Variants in CADM2 observed in about 807,000 individuals in gnomAD.
CADM2 encodes the protein immunoglobulin superfamily member 4D.
CADM2 carries 12 observed loss-of-function variants against 49.8 expected under a neutral mutation model. That is an observed-to-expected ratio of 0.24 (90% confidence interval 0.15 to 0.39). CADM2 has a LOEUF of 0.39. Among genes scored for constraint, CADM2 ranks in the 10% least tolerant of loss-of-function variants. The pLI, the probability that CADM2 is intolerant of heterozygous loss-of-function variation, is 1.00. For missense variants in CADM2, 378 were observed against 492.3 expected, an observed-to-expected ratio of 0.77 and a Z score of 2.20; for synonymous variants, 214 against 175.4, an observed-to-expected ratio of 1.22 and a Z score of -1.74.
chr3:85,336,615 A>C (rs1188554877), intron 1 of CADM2, among the ~76,000 whole-genome samples: 1 of 151,086 alleles, frequency 6.6e-6, no homozygotes, highest in African/African-American at 2.4e-5. Flanking sequence ...AGTCAACTAG[A>C]AATTGTTATA....
At chr3:85,696,537 G>T (rs1474395262) in intron 1 of CADM2, among the ~76,000 whole-genome samples, 1 of 151,804 alleles carries the variant, frequency 6.6e-6, no homozygotes, top group Non-Finnish European at 1.5e-5. Context: ...CTTTTCCCCG[G>T]TGTATGTTTT....
In CADM2 at chr3:85,750,758, A is replaced by AT. The variant is rs200465380; in HGVS notation, c.88+24219dup. Reference sequence around the variant, plus strand: ...GCACTAAGATAAAAAGAATTAGAGCATTTTTTTTTATTGACTAGTTTCCTA... The same window carrying AT: ...GCACTAAGATAAAAAGAATTAGAGCATTTTTTTTTTATTGACTAGTTTCCTA... On this transcript the variant is annotated intron_variant, in intron 2 of 9. Transcript: ENST00000383699. Among the ~76,000 whole-genome samples the AT allele has an allele frequency of 5.2e-3, 785 of 150,296 alleles. 6 individuals are homozygous for AT. Among genetic ancestry groups the AT allele is most frequent in the African/African-American group, 0.017 (704 of 41,176 alleles).
intron 1 of CADM2, among the ~76,000 whole-genome samples, chr3:85,145,364 T>G (rs901697876): frequency 2.6e-5 from 4 of 152,188 alleles, no homozygotes; most frequent in African/African-American, 9.6e-5. Context: ...CCATCCAATC[T>G]GTCTGCCTAT....
intron 1 of CADM2, among the ~76,000 whole-genome samples, chr3:85,438,482 C>G (rs2107536869): frequency 6.6e-6 from 1 of 152,064 alleles, no homozygotes; most frequent in Non-Finnish European, 1.5e-5. Flanking sequence ...TATGGGCAGT[C>G]ATAGATTTTC....
intron 1 of CADM2, among the ~76,000 whole-genome samples, chr3:85,182,819 CTGTATATTTTTTCT>C (rs1182158987): frequency 1.3e-5 from 2 of 151,990 alleles, no homozygotes; most frequent in African/African-American, 2.4e-5. Context: ...TTCCAATTCT[CTGTATATTTTTTCT>C]TGTAAAATTC....
At position 85,850,618 on chromosome 3, in the gene CADM2, G is replaced by A. The variant is rs1174860802; in HGVS notation, c.239-32673G>A. ...GCTGGGATTACAGGCGTGAGCCACC[G>A]CACCCAGCCTCAATTCTTGTCATAA... is the stretch of plus-strand genomic sequence containing the variant. On this transcript the variant is annotated intron_variant, in intron 3 of 9. Transcript: ENST00000383699. Among the ~76,000 whole-genome samples the A allele has an allele frequency of 2.0e-5, 3 of 152,002 alleles. No individual in the cohort carries two copies. The East Asian group carries it at 5.8e-4, about 29-fold the overall frequency.
chr3:85,351,767 T>C (rs556236732), intron 1 of CADM2, among the ~76,000 whole-genome samples: 25 of 152,260 alleles, frequency 1.6e-4, no homozygotes, highest in African/African-American at 6.0e-4. Flanking sequence ...ATAGTGTCAT[T>C]TAAAATGAGA....
chr3:86,024,982 G>T (rs745844073), intron 8 of CADM2, among the ~76,000 whole-genome samples: 2 of 151,828 alleles, frequency 1.3e-5, no homozygotes, highest in African/African-American at 4.8e-5. Flanking sequence ...AGGCTCAAGC[G>T]ATTCTCATGC....
chr3:85,626,697 A>T (rs2064141044), intron 1 of CADM2, among the ~76,000 whole-genome samples: 1 of 152,100 alleles, frequency 6.6e-6, no homozygotes. Flanking sequence ...CAGCAAATGT[A>T]ATTATTACTA....
chr3:85,473,249 C>T (rs1237898327), intron 1 of CADM2, among the ~76,000 whole-genome samples: 2 of 151,850 alleles, frequency 1.3e-5, no homozygotes, highest in Non-Finnish European at 2.9e-5. Flanking sequence ...TGAGAGATAA[C>T]GAAGGAGGTA....
At chr3:85,437,716 G>C (rs979287763) in intron 1 of CADM2, among the ~76,000 whole-genome samples, 1 of 151,814 alleles carries the variant, frequency 6.6e-6, no homozygotes, top group Non-Finnish European at 1.5e-5. Flanking sequence ...GGAAATCCTT[G>C]TTACTTAAAT....
intron 6 of CADM2, among the ~76,000 whole-genome samples, chr3:85,927,670 T>G (rs140725816): frequency 1.3e-5 from 2 of 152,194 alleles, no homozygotes. Context: ...CAAACCACTG[T>G]ATTTCTTCAC....
intron 1 of CADM2, among the ~76,000 whole-genome samples, chr3:85,323,433 C>A (rs1453018884): frequency 6.6e-6 from 1 of 152,104 alleles, no homozygotes; most frequent in Non-Finnish European, 1.5e-5. Flanking sequence ...GTGTAAGCTC[C>A]AATTTCCTTT....
At chr3:85,423,507 A>T (rs777331132) in intron 1 of CADM2, among the ~76,000 whole-genome samples, 27 of 152,288 alleles carry the variant, frequency 1.8e-4, no homozygotes, top group Non-Finnish European at 3.1e-4. Context: ...TATAATAATC[A>T]TGATTGGCCT....
chr3:85,014,661 C>T (rs557924280), intron 1 of CADM2, among the ~76,000 whole-genome samples: 2 of 152,256 alleles, frequency 1.3e-5, no homozygotes, highest in East Asian at 1.9e-4. Flanking sequence ...CTCAGGGTCT[C>T]TCACAAGATT....
At chr3:85,119,049 T>A (rs2038750751) in intron 1 of CADM2, among the ~76,000 whole-genome samples, 2 of 152,188 alleles carry the variant, frequency 1.3e-5, no homozygotes, top group African/African-American at 4.8e-5. Context: ...ACACCCAGCC[T>A]GTCCATTTAT....
In CADM2 at chr3:85,823,738, T is replaced by A. The variant is rs144125873; in HGVS notation, c.238+21542T>A. Among the ~76,000 whole-genome samples, 997 of 152,266 alleles carry A rather than the reference T, an allele frequency of 6.5e-3. 8 individuals carry two copies. The highest frequency in any genetic ancestry group is 0.023 in the African/African-American group (943 of 41,566). On this transcript the variant is annotated intron_variant, in intron 3 of 9. Coordinates refer to ENST00000383699, the MANE Select transcript of CADM2 (RefSeq NM_001167675.2). The stretch of plus-strand genomic sequence containing the variant: ...AAGCAAATCTATAGTACAAAGAGAA[T>A]AAGTAACAGACTGTATCTGAACTGA...
At chr3:85,737,386 C>T (rs2068182447) in intron 2 of CADM2, among the ~76,000 whole-genome samples, 1 of 152,114 alleles carries the variant, frequency 6.6e-6, no homozygotes, top group Non-Finnish European at 1.5e-5. Flanking sequence ...AAAAACTGCA[C>T]ACCTAAATTG....
intron 1 of CADM2, among the ~76,000 whole-genome samples, chr3:85,272,037 G>A (rs144478077): frequency 5.4e-4 from 81 of 150,952 alleles, no homozygotes; most frequent in African/African-American, 1.9e-3. Flanking sequence ...AAGTTATATG[G>A]TCTTAAAACT....
Sources: gnomAD v4.1 joint callset for allele counts (sites outside exome capture counted in the v4.1 genomes callset) on GRCh38, gnomAD v4.1.1 for gene constraint, MANE v1.5 for transcripts, NCBI Gene and HGNC (gene_info 2026-07-23, HGNC 2026-07-21) for gene names.